Variants in MAGI2 observed in about 807,000 individuals in gnomAD.
MAGI2 encodes membrane-associated guanylate kinase, WW and PDZ domain-containing protein 2.
In MAGI2, 35 loss-of-function variants were observed where a neutral mutation model predicts 133.3. The observed-to-expected ratio is 0.26, with a 90% confidence interval of 0.20 to 0.35. The LOEUF is 0.35. Ranked by LOEUF, MAGI2 falls within the 10% of genes least tolerant of loss-of-function variation. The pLI is 1.00. For synonymous variants in MAGI2, 729 were observed against 710.6 expected, an observed-to-expected ratio of 1.03 and a Z score of -0.41; for missense variants, 1,636 against 1,863.4, an observed-to-expected ratio of 0.88 and a Z score of 2.25.
At chr7:78,377,677 A>C (rs1010773946) in intron 6 of MAGI2, among the ~76,000 whole-genome samples, 4 of 151,594 alleles carry the variant, frequency 2.6e-5, no homozygotes, top group Non-Finnish European at 4.4e-5. Flanking sequence ...AAATAAAAAT[A>C]AAAAAGGCAT....
chr7:78,039,234 T>TA (rs199801525), intron 21 of MAGI2, among the ~76,000 whole-genome samples: 118 of 152,256 alleles, frequency 7.8e-4, no homozygotes, highest in African/African-American at 2.5e-3. Flanking sequence ...AAAACTGGGT[T>TA]AAAAAAATCT....
chr7:78,323,328 G>A (rs949335731), intron 9 of MAGI2, among the ~76,000 whole-genome samples: 4 of 152,176 alleles, frequency 2.6e-5, no homozygotes, highest in Admixed American at 1.3e-4. Flanking sequence ...AGCAATGTGA[G>A]CAAAGGACAT....
chr7:78,952,389 G>C (rs1801942510), intron 2 of MAGI2, among the ~76,000 whole-genome samples: 1 of 151,978 alleles, frequency 6.6e-6, no homozygotes, highest in Non-Finnish European at 1.5e-5. Context: ...TGTCTCTTTA[G>C]ATGGGTCTAT....
chr7:78,499,157 C>T (rs549533028), intron 5 of MAGI2, among the ~76,000 whole-genome samples: 1 of 152,284 alleles, frequency 6.6e-6, no homozygotes, highest in East Asian at 1.9e-4. Flanking sequence ...GATTTACCAA[C>T]TAATACATAC....
chr7:79,150,679 A>G (rs374845912), intron 1 of MAGI2, among the ~76,000 whole-genome samples: 11 of 105,216 alleles, frequency 1.0e-4, no homozygotes, highest in Admixed American at 7.9e-4. Context: ...TTTACATGAT[A>G]TTTCATATCA....
At chr7:78,917,731 C>A (rs948382193) in intron 2 of MAGI2, among the ~76,000 whole-genome samples, 1 of 152,034 alleles carries the variant, frequency 6.6e-6, no homozygotes, top group Non-Finnish European at 1.5e-5. Context: ...TGACAGACAC[C>A]GGCCATAAAT....
intron 10 of MAGI2, among the ~76,000 whole-genome samples, chr7:78,250,444 G>A (rs1011657472): frequency 4.6e-5 from 7 of 151,938 alleles, no homozygotes; most frequent in Non-Finnish European, 1.0e-4. Flanking sequence ...AGAAAGAAAT[G>A]GAATCATTAA....
intron 7 of MAGI2, among the ~76,000 whole-genome samples, chr7:78,362,830 C>G: frequency 6.6e-6 from 1 of 152,118 alleles, no homozygotes; most frequent in East Asian, 1.9e-4. Context: ...AACTTATTAA[C>G]ATAAAAATAT....
At chr7:78,556,764 C>T (rs1465510069) in intron 3 of MAGI2, among the ~76,000 whole-genome samples, 1 of 152,132 alleles carries the variant, frequency 6.6e-6, no homozygotes, top group Non-Finnish European at 1.5e-5. Flanking sequence ...GAAAGCCACA[C>T]TTCCTCTTTT....
intron 2 of MAGI2, among the ~76,000 whole-genome samples, chr7:78,701,420 G>A (rs972231053): frequency 6.6e-6 from 1 of 152,008 alleles, no homozygotes; most frequent in Non-Finnish European, 1.5e-5. Flanking sequence ...GTAATAAAAT[G>A]TAAGGTAGAG....
chr7:78,108,743 T>C (rs1818984460), intron 20 of MAGI2, among the ~76,000 whole-genome samples: 1 of 143,378 alleles, frequency 7.0e-6, no homozygotes, highest in Non-Finnish European at 1.6e-5. Context: ...CACACATATG[T>C]GAGTGTATAT....
chr7:78,521,294 A>G (rs1314955170), intron 4 of MAGI2, 136 bp downstream of exon 4: 1 of 513,930 alleles, frequency 1.9e-6, no homozygotes, highest in Admixed American at 3.4e-5. Context: ...GTGAACACAC[A>G]GATGTAAGAA....
At chr7:78,560,591 G>C (rs916599755) in intron 3 of MAGI2, among the ~76,000 whole-genome samples, 12 of 152,082 alleles carry the variant, frequency 7.9e-5, no homozygotes, top group African/African-American at 2.9e-4. Context: ...TTATTTTGTA[G>C]TTTCAAAAGA....
chr7:78,629,900 G>A (rs1808774680), intron 2 of MAGI2, among the ~76,000 whole-genome samples: 1 of 151,556 alleles, frequency 6.6e-6, no homozygotes, highest in African/African-American at 2.4e-5. Flanking sequence ...AGCCTTTATT[G>A]GAATTATCAT....
chr7:78,268,368 G>A (rs1243899629), intron 9 of MAGI2, among the ~76,000 whole-genome samples: 2 of 152,080 alleles, frequency 1.3e-5, no homozygotes, highest in African/African-American at 2.4e-5. Context: ...TATATTGTTG[G>A]AGATCAGGGA....
At chr7:79,198,336 C>T (rs1426236425) in intron 1 of MAGI2, among the ~76,000 whole-genome samples, 2 of 151,820 alleles carry the variant, frequency 1.3e-5, no homozygotes, top group African/African-American at 4.9e-5. Context: ...GCCATTTGCA[C>T]AGGTTCCCTC....
intron 6 of MAGI2, among the ~76,000 whole-genome samples, chr7:78,424,601 G>T (rs1233058177): frequency 2.6e-5 from 4 of 152,324 alleles, no homozygotes; most frequent in Non-Finnish European, 4.4e-5. Context: ...GCCCATTAAA[G>T]CAGCCAGGAG....
At position 78,192,525 on chromosome 7, in the gene MAGI2, T is replaced by TTC. The variant is rs1424424430; in HGVS notation, c.2269+2348_2269+2349insGA. Reference sequence around the variant, plus strand: ...CGTACAGGAGGGCAAAAGGCTGTCTTTTTTTTTTTTTTTTAAGACACTCAC... The same window carrying TTC: ...CGTACAGGAGGGCAAAAGGCTGTCTTTCTTTTTTTTTTTTTTAAGACACTCAC... On this transcript the variant is annotated intron_variant, in intron 12 of 21. Transcript: ENST00000354212. 2.8e-3 allele frequency among the ~76,000 whole-genome samples: 408 copies of TTC among 147,400 alleles called. 4 individuals are homozygous for TTC. The highest frequency in any genetic ancestry group is 9.6e-3 in the African/African-American group (386 of 40,262).
At chr7:79,332,149 A>T (rs571884555) in intron 1 of MAGI2, among the ~76,000 whole-genome samples, 2 of 152,276 alleles carry the variant, frequency 1.3e-5, no homozygotes, top group South Asian at 4.1e-4. Context: ...TGTTCACTTG[A>T]GTGATCAGAT....
Sources: gnomAD v4.1 joint callset for allele counts (sites outside exome capture counted in the v4.1 genomes callset) on GRCh38, gnomAD v4.1.1 for gene constraint, MANE v1.5 for transcripts, NCBI Gene and HGNC (gene_info 2026-07-23, HGNC 2026-07-21) for gene names.